The following CALCOCO1 variants were observed in gnomAD, a reference collection of about 807,000 sequenced individuals.
CALCOCO1 encodes the protein calcium-binding and coiled-coil domain-containing protein 1.
CALCOCO1 carries 44 observed loss-of-function variants against 86.3 expected under a neutral mutation model. The ratio of observed to expected loss-of-function variants is 0.51; its 90% CI spans 0.40 to 0.66. The LOEUF is 0.66. Among genes scored for constraint, CALCOCO1 ranks in the 30% least tolerant of loss-of-function variants. The probability of loss-of-function intolerance (pLI) is 0.00; values close to 1 mark genes in which losing one functional copy is unlikely to be tolerated. For synonymous variants in CALCOCO1, 297 were observed against 327.6 expected (o/e 0.91, Z 1.01); for missense variants, 708 against 851.1 (o/e 0.83, Z 2.09).
intron 5 of CALCOCO1, 63 bp from the exon 6 acceptor site, chr12:53,721,678 A>G: frequency 6.2e-7 from 1 of 1,600,640 alleles, no homozygotes; most frequent in Non-Finnish European, 8.5e-7. Context: ...GTGGTGGAAC[A>G]AAGGCTTAGG....
chr12:53,724,962 T>A (rs1342985261), intron 2 of CALCOCO1, 125 bp downstream of exon 2: 3 of 1,155,536 alleles, frequency 2.6e-6, no homozygotes, highest in Non-Finnish European at 2.5e-6. Context: ...GCCTCTGTCA[T>A]CTGTGACATC....
At chr12:53,715,178 C>T (rs1176997685) in intron 10 of CALCOCO1, 22 bp downstream of exon 10, 3 of 1,613,266 alleles carry the variant, frequency 1.9e-6, no homozygotes, top group African/African-American at 1.3e-5. Context: ...AGGACAGGAC[C>T]CTTGGTGGCT....
In CALCOCO1 at chr12:53,715,819, G is replaced by T; in HGVS notation, c.1234C>A (p.Arg412=). The T allele has an allele frequency of 1.9e-6, 3 of 1,613,648 alleles. No homozygotes were observed. The change falls in exon 9 of 15, where the codon CGG becomes AGG. Residue 412 remains arginine (R), a synonymous_variant. Coordinates refer to ENST00000550804, the MANE Select transcript of CALCOCO1 (RefSeq NM_020898.3). ...TCCACACTCTGCAGCAGCCCTGCCC[G>T]CTCCTTGCTCCATTGGCATTTTTCT... is the stretch of plus-strand genomic sequence containing the variant. ...KEEKCQWSKE[R]AGLLQSVEAE... is the part of the protein sequence containing the mutation.
chr12:53,716,017 G>A lies in CALCOCO1; in HGVS notation c.1036C>T (p.Arg346Ter). ...AELEPLKEQL[R>*]GAQELAASSQ... is the part of the protein sequence containing the mutation. ...GAGGCTGCAAGCTCCTGGGCCCCTC[G>A]AAGCTGCTCCTTCAAGGGCTCCAGC... is the stretch of plus-strand genomic sequence containing the variant. The change falls in exon 9 of 15, where the codon CGA (arginine) becomes TGA (stop). Residue 346 changes from arginine to a stop codon, truncating the protein, a stop_gained. Coordinates refer to ENST00000550804, the MANE Select transcript of CALCOCO1 (RefSeq NM_020898.3). LOFTEE classifies it high-confidence loss of function. 2.5e-6 allele frequency: 4 copies of A among 1,613,376 alleles called. No homozygotes were observed. The highest frequency in any genetic ancestry group is 1.6e-4 in the Middle Eastern group (1 of 6,062).
chr12:53,714,664 C>T lies in CALCOCO1; in HGVS notation c.1416G>A (p.Leu472=). ...CACGCAGGGCTGACCGCAGCTCTGT[C>T]AGCTCCCGCTTACTTTCTGACAACT... The part of the protein sequence containing the change: ...LVQLSESKRE[L]TELRSALRVL... Residue 472 remains leucine, a synonymous_variant, in exon 11 of 15, where the codon CTG becomes CTA. Transcript: ENST00000550804. The T allele has an allele frequency of 6.2e-7, 1 of 1,614,022 alleles. No individual in the cohort carries two copies. The highest frequency in any genetic ancestry group is 8.5e-7 in the Non-Finnish European group (1 of 1,179,972).
intron 3 of CALCOCO1, chr12:53,724,427 G>T: frequency 1.9e-6 from 1 of 536,342 alleles, no homozygotes; most frequent in Non-Finnish European, 3.4e-6. Context: ...GGGACTAGAT[G>T]CCCTCTGAAG....
Position 53,719,820 on chromosome 12 carries a change from G to A in CALCOCO1, c.768C>T (p.Asp256=). The part of the protein sequence containing the change: ...TKEVELDRLR[D]TVKALTREQE... The stretch of plus-strand genomic sequence containing the variant: ...GTTCCCGAGTCAGGGCCTTCACTGT[G>A]TCTCTAAGCCTGTGATTGGTGGGAT... Residue 256 remains aspartate (D), a synonymous_variant, in exon 7 of 15, where the codon GAC becomes GAT. Coordinates refer to ENST00000550804, the MANE Select transcript of CALCOCO1 (RefSeq NM_020898.3). 1 of 1,612,056 alleles carries A rather than the reference G, an allele frequency of 6.2e-7. No individual in the cohort carries two copies. The highest frequency in any genetic ancestry group is 1.3e-5 in the African/African-American group (1 of 74,944).
rs1037662067 is a variant in CALCOCO1 at position 53,722,282 on chromosome 12, T to C, written c.451-99A>G. On this transcript the variant is annotated intron_variant, in intron 4 of 14. Coordinates refer to ENST00000550804, the MANE Select transcript of CALCOCO1 (RefSeq NM_020898.3). ...CAGGTGCATTTTGGGTTTGGGAAGT[T>C]ACATAGCTTTGGGTTATAAAGAGGT... is the stretch of plus-strand genomic sequence containing the variant. The C allele has an allele frequency of 1.8e-5, 25 of 1,385,748 alleles. No individual in the cohort carries two copies. The Admixed American group carries it at 4.4e-4, about 24-fold the overall frequency. The allele number at this position is 1,385,748 out of a possible 1,614,324, so 85.8% of individuals were successfully genotyped here.
chr12:53,721,963 G>T (rs757849695), intron 5 of CALCOCO1, 62 bp downstream of exon 5: 1 of 1,586,818 alleles, frequency 6.3e-7, no homozygotes, highest in South Asian at 1.1e-5. Flanking sequence ...TCTTCACTGG[G>T]TTCAGATTTT....
chr12:53,723,200 C>T lies in CALCOCO1; in HGVS notation c.450+393G>A, dbSNP rs189695676. On this transcript the variant is annotated intron_variant, in intron 4 of 14. Transcript: ENST00000550804. ...GCCTTTGGTATTGGACAGTACAGGT[C>T]TGGGGCCTTGCCTATCTGCTCTCAC... 7.9e-5 allele frequency among the ~76,000 whole-genome samples: 12 copies of T among 152,274 alleles called. No homozygotes were observed. The East Asian group carries it at 2.1e-3, about 27-fold the overall frequency.
chr12:53,712,084 C>T lies in CALCOCO1; in HGVS notation c.1936G>A (p.Gly646Arg), dbSNP rs201789372. The T allele has an allele frequency of 1.1e-5, 17 of 1,609,744 alleles. No homozygotes were observed. In the East Asian group the frequency reaches 2.2e-4, roughly 21 times the overall value. Residue 646 changes from glycine to arginine, a missense_variant, in exon 15 of 15, where the codon GGG becomes AGG. Transcript: ENST00000550804. Reference sequence around the variant, plus strand: ...TTCCATGTGGGGGTGGCAGGGCCCCCAGTGCTGGTTTCTGACAGGGTACCC... The same window carrying T: ...TTCCATGTGGGGGTGGCAGGGCCCCTAGTGCTGGTTTCTGACAGGGTACCC... The part of the protein sequence containing the change: ...TVGTLSETST[G>R]GPATPTWKEC...
intron 1 of CALCOCO1, among the ~76,000 whole-genome samples, chr12:53,726,949 T>G (rs567153732): frequency 7.5e-4 from 114 of 152,292 alleles, no homozygotes; most frequent in African/African-American, 2.4e-3. Context: ...GTTCACATGA[T>G]GGGGCGGAGA....
rs1262202484 is a variant in CALCOCO1 at position 53,708,926 on chromosome 12, G to C, written c.*3018C>G. ...CTGGAGTACAGGGTTCCTTAGGGTAGATGGGAAATGGAAGGGCAAGTTGGG... is the reference window on the plus strand; with the variant it reads ...CTGGAGTACAGGGTTCCTTAGGGTACATGGGAAATGGAAGGGCAAGTTGGG... On this transcript the variant is annotated 3_prime_UTR_variant, in exon 15 of 15. Coordinates refer to ENST00000550804, the MANE Select transcript of CALCOCO1 (RefSeq NM_020898.3). 1 of 152,256 alleles carries C rather than the reference G, an allele frequency of 6.6e-6. No homozygotes were observed. 9.4% of individuals were successfully genotyped at this position (152,256 alleles called of 1,614,324 possible). A position where few individuals can be genotyped will look rare whatever the true frequency, so the allele number is the denominator to read the frequency against.
At chr12:53,721,651 T>G in intron 5 of CALCOCO1, 36 bp from the exon 6 acceptor site, 4 of 1,613,172 alleles carry the variant, frequency 2.5e-6, no homozygotes, top group Non-Finnish European at 3.4e-6. Flanking sequence ...AAAGGGAGGT[T>G]GGGACTCATC....
At chr12:53,722,217 G>A in intron 4 of CALCOCO1, 34 bp from the exon 5 acceptor site, 1 of 1,608,368 alleles carries the variant, frequency 6.2e-7, no homozygotes, top group South Asian at 1.1e-5. Context: ...GGAGTGTGCT[G>A]GTGGAGTACC....
At chr12:53,715,151 A>C (rs376725569) in intron 10 of CALCOCO1, 49 bp downstream of exon 10, 6 of 1,599,842 alleles carry the variant, frequency 3.8e-6, no homozygotes, top group Non-Finnish European at 5.1e-6. Flanking sequence ...AGGGGTATGG[A>C]TGCCTCAGGA....
chr12:53,713,564 A>G, intron 13 of CALCOCO1, 137 bp downstream of exon 13: 1 of 794,968 alleles, frequency 1.3e-6, no homozygotes. Context: ...CTCTTGGGAG[A>G]CTGAGGTGGG....
chr12:53,715,425 T>G, intron 9 of CALCOCO1, 100 bp from the exon 10 acceptor site: 1 of 1,464,322 alleles, frequency 6.8e-7, no homozygotes. Flanking sequence ...TTCCTTTATT[T>G]AAAGCATCAT....
intron 14 of CALCOCO1, chr12:53,712,423 A>G: frequency 3.1e-6 from 1 of 324,950 alleles, no homozygotes; most frequent in Non-Finnish European, 5.7e-6. Flanking sequence ...AATGAGTCTG[A>G]CATCGTCCTT....
Sources: allele counts gnomAD v4.1 joint callset (sites outside exome capture counted in the v4.1 genomes callset), GRCh38; gene constraint gnomAD v4.1.1; transcripts MANE v1.5; gene names NCBI Gene and HGNC (gene_info 2026-07-23, HGNC 2026-07-21).